Variants in ERMP1 observed in about 807,000 individuals in gnomAD.
The protein encoded by ERMP1 is Felix-ina.
Under a neutral mutation model 92.0 loss-of-function variants are expected in ERMP1, and 86 were observed. That is an observed-to-expected ratio of 0.93 (90% CI 0.79 to 1.12). ERMP1 has a LOEUF of 1.12. Among genes scored for constraint, ERMP1 ranks in the 50% most tolerant of loss-of-function variants. The pLI is 0.00. For synonymous variants in ERMP1, 530 were observed against 412.8 expected (o/e 1.28, Z -3.44); for missense variants, 1,342 against 1,116.3 (o/e 1.20, Z -2.88).
At chr9:5,845,965 G>C (rs1193661804) in intron 6 of ERMP1, among the ~76,000 whole-genome samples, 3 of 152,190 alleles carry the variant, frequency 2.0e-5, no homozygotes, top group Non-Finnish European at 4.4e-5. Context: ...TGGAGTGTCA[G>C]GCAGGCCTGG....
chr9:5,809,556 C>A (rs1172235278), intron 8 of ERMP1, among the ~76,000 whole-genome samples: 1 of 152,158 alleles, frequency 6.6e-6, no homozygotes, highest in African/African-American at 2.4e-5. Context: ...GTACAACATT[C>A]TTTTAGGCAA....
intron 5 of ERMP1, among the ~76,000 whole-genome samples, chr9:5,864,627 C>T (rs1830598607): frequency 6.6e-6 from 1 of 152,142 alleles, no homozygotes; most frequent in South Asian, 2.1e-4. Flanking sequence ...ATGTTTGGGG[C>T]AGGTGGAAGA....
At chr9:5,812,022 T>C (rs1829115879) in intron 6 of ERMP1, 103 bp downstream of exon 6, 1 of 712,112 alleles carries the variant, frequency 1.4e-6, no homozygotes, top group African/African-American at 1.8e-5. Context: ...TCACATTGCA[T>C]ACTGCCTCTC....
chr9:5,821,457 C>CAT (rs1204018399), intron 4 of ERMP1, among the ~76,000 whole-genome samples: 1 of 152,098 alleles, frequency 6.6e-6, no homozygotes, highest in Non-Finnish European at 1.5e-5. Context: ...TGTCTAAAAC[C>CAT]ATATGCATTT....
chr9:5,808,937 C>T (rs1467659244), intron 8 of ERMP1, among the ~76,000 whole-genome samples: 2 of 152,118 alleles, frequency 1.3e-5, no homozygotes, highest in Non-Finnish European at 2.9e-5. Flanking sequence ...CAGGGTTTCA[C>T]CATGTTGCCC....
At chr9:5,847,447 C>G (rs550048873) in intron 6 of ERMP1, among the ~76,000 whole-genome samples, 59 of 152,078 alleles carry the variant, frequency 3.9e-4, no homozygotes, top group Non-Finnish European at 7.9e-4. Flanking sequence ...CCATGTTGCC[C>G]AGGCTGGTCT....
At position 5,816,221 on chromosome 9, in the gene ERMP1, A is replaced by T. The variant is rs1360679040; in HGVS notation, c.875-3186T>A. Among the ~76,000 whole-genome samples the T allele has an allele frequency of 3.3e-5, 5 of 151,742 alleles. No individual in the cohort carries two copies. In the East Asian group the frequency reaches 9.6e-4, roughly 29 times the overall value. On this transcript the variant is annotated intron_variant, in intron 4 of 14. Coordinates refer to ENST00000339450, the MANE Select transcript of ERMP1 (RefSeq NM_024896.3). ...TATTTGATCCTGGGTAGGAACCCAG[A>T]TTTTTTTTTAAATGGTTAGGACATT...
intron 10 of ERMP1, among the ~76,000 whole-genome samples, chr9:5,801,706 T>G (rs1828679381): frequency 6.6e-6 from 1 of 152,356 alleles, no homozygotes; most frequent in African/African-American, 2.4e-5. Flanking sequence ...TAGGCAGATC[T>G]GTTTGGACAA....
upstream of ERMP1, among the ~76,000 whole-genome samples, chr9:5,833,414 G>A (rs912194786): frequency 1.3e-5 from 2 of 152,206 alleles, no homozygotes; most frequent in African/African-American, 4.8e-5. Context: ...CCTGGCTTTC[G>A]TAAGGAAGGA....
At chr9:5,856,388 C>A in intron 6 of ERMP1, 1 of 185,222 alleles carries the variant, frequency 5.4e-6, no homozygotes, top group Non-Finnish European at 1.2e-5. Flanking sequence ...CCAAGAGGAG[C>A]GGCCGGAGGA....
At chr9:5,835,350 A>ACGCG (rs57732063), upstream of ERMP1, among the ~76,000 whole-genome samples, 32 of 150,442 alleles carry the variant, frequency 2.1e-4, 1 homozygote, top group East Asian at 3.4e-3. Context: ...GAGACAATGA[A>ACGCG]CGCGCGCGCG....
At chr9:5,797,386 A>C (rs1451634004) in intron 13 of ERMP1, among the ~76,000 whole-genome samples, 1 of 152,040 alleles carries the variant, frequency 6.6e-6, no homozygotes, top group Non-Finnish European at 1.5e-5. Context: ...GTGGTGGCTC[A>C]TACCTGTAAT....
At chr9:5,828,695 G>C (rs887394997) in intron 2 of ERMP1, among the ~76,000 whole-genome samples, 1 of 152,144 alleles carries the variant, frequency 6.6e-6, no homozygotes, top group African/African-American at 2.4e-5. Flanking sequence ...AAGTGCATGT[G>C]TTAATAAACT....
At chr9:5,797,996 A>G in intron 12 of ERMP1, 64 bp from the exon 13 acceptor site, 1 of 988,242 alleles carries the variant, frequency 1.0e-6, no homozygotes, top group Non-Finnish European at 1.6e-6. Flanking sequence ...TGTAACTCAC[A>G]GAACTGTTCA....
At chr9:5,812,590 A>C in intron 5 of ERMP1, 1 of 440,300 alleles carries the variant, frequency 2.3e-6, no homozygotes, top group Non-Finnish European at 4.1e-6. Flanking sequence ...GGAGTTGGCA[A>C]ACCAAGACAA....
intron 6 of ERMP1, among the ~76,000 whole-genome samples, chr9:5,843,948 G>A (rs942611030): frequency 2.0e-5 from 3 of 152,126 alleles, no homozygotes; most frequent in Non-Finnish European, 2.9e-5. Flanking sequence ...TCCTGGAACC[G>A]TGGCTATGGA....
Position 5,825,187 on chromosome 9 carries a change from T to A in ERMP1, c.673A>T (p.Met225Leu). ...ASDDAVSCSV[M>L]LEVLRVLSTS... ...GACAAGACGCGAAGGACTTCCAGCATCACTGAGCAGCTAACTGCATCATCA... is the reference window on the plus strand; with the variant it reads ...GACAAGACGCGAAGGACTTCCAGCAACACTGAGCAGCTAACTGCATCATCA... The change falls in exon 3 of 15, where the codon ATG becomes TTG. Residue 225 changes from methionine to leucine, a missense_variant. By Grantham distance (15) the Met-to-Leu change is conservative. Transcript: ENST00000339450. 6.2e-7 allele frequency: 1 copy of A among 1,613,926 alleles called. No homozygotes were observed. The highest frequency in any genetic ancestry group is 8.5e-7 in the Non-Finnish European group (1 of 1,179,936).
rs950430881 is a variant in ERMP1 at position 5,845,054 on chromosome 9, T to C, written n.3200-11742A>G. On this transcript the variant is annotated intron_variant and non_coding_transcript_variant, in intron 6 of 6. Coordinates refer to the ERMP1 transcript ENST00000690753. ...CCGCCAGCTCTTCCTTGGGGCAGTA[T>C]AGGGCCTTTGAAACTTAAACTTGCA... is the stretch of plus-strand genomic sequence containing the variant. Among the ~76,000 whole-genome samples, 86 of 151,906 alleles carry C rather than the reference T, an allele frequency of 5.7e-4. 1 individual carries two copies. The highest frequency in any genetic ancestry group is 2.1e-3 in the African/African-American group (85 of 41,420).
chr9:5,787,691 A>G, intron 13 of ERMP1, 98 bp from the exon 14 acceptor site: 2 of 1,176,648 alleles, frequency 1.7e-6, no homozygotes, highest in South Asian at 3.0e-5. Flanking sequence ...TCATGCCTGC[A>G]TGACTTTAAA....
Sources: gnomAD v4.1 joint callset for allele counts (sites outside exome capture counted in the v4.1 genomes callset) on GRCh38, gnomAD v4.1.1 for gene constraint, MANE v1.5 for transcripts, NCBI Gene and HGNC (gene_info 2026-07-23, HGNC 2026-07-21) for gene names.